Variants in USP15 observed in about 807,000 individuals in gnomAD.
USP15 encodes ubiquitin carboxyl-terminal hydrolase 15.
In USP15, 18 loss-of-function variants were observed where a neutral mutation model predicts 127.1. That is an observed-to-expected ratio of 0.14 (90% CI 0.10 to 0.21). USP15 has a LOEUF of 0.21. Among genes scored for constraint, USP15 ranks in the 10% least tolerant of loss-of-function variants. The pLI, the probability that USP15 is intolerant of heterozygous loss-of-function variation, is 1.00. For missense variants in USP15, 805 were observed against 1,159.9 expected (o/e 0.69, Z 4.44); for synonymous variants, 364 against 393.7 (o/e 0.92, Z 0.89).
At chr12:62,295,146 T>C (rs1592521426) in intron 2 of USP15, among the ~76,000 whole-genome samples, 1 of 151,796 alleles carries the variant, frequency 6.6e-6, no homozygotes, top group South Asian at 2.1e-4. Context: ...CCCCCCCCCA[T>C]AGGGTTGCTC....
At chr12:62,298,925 C>A (rs971907492) in intron 2 of USP15, among the ~76,000 whole-genome samples, 7 of 151,384 alleles carry the variant, frequency 4.6e-5, no homozygotes, top group African/African-American at 1.5e-4. Flanking sequence ...TCACGAAGCC[C>A]AAAGAGTTGA....
intron 1 of USP15, among the ~76,000 whole-genome samples, chr12:62,293,085 C>A (rs981491073): frequency 6.6e-6 from 1 of 152,122 alleles, no homozygotes; most frequent in Non-Finnish European, 1.5e-5. Context: ...TGGTGTAACA[C>A]CCTCAAGAAA....
chr12:62,313,034 T>C (rs2064728406), intron 3 of USP15, among the ~76,000 whole-genome samples: 1 of 151,636 alleles, frequency 6.6e-6, no homozygotes, highest in South Asian at 2.1e-4. Context: ...AACAACACCT[T>C]GTTAATACAC....
At chr12:62,305,796 C>T (rs2064467895) in intron 3 of USP15, 1 of 152,238 alleles carries the variant, frequency 6.6e-6, no homozygotes, top group African/African-American at 2.4e-5. Flanking sequence ...CACTCTTCTT[C>T]CATGTTGTAC....
intron 5 of USP15, among the ~76,000 whole-genome samples, 179 bp downstream of exon 5, chr12:62,321,788 G>T (rs796804517): frequency 9.2e-5 from 14 of 152,100 alleles, no homozygotes; most frequent in African/African-American, 3.4e-4. Context: ...CCTTGAGCTT[G>T]GGAATAATCT....
At chr12:62,353,325 C>T (rs2066017913) in intron 7 of USP15, among the ~76,000 whole-genome samples, 1 of 152,048 alleles carries the variant, frequency 6.6e-6, no homozygotes. Context: ...CAGTAAATAG[C>T]AATTTCTATC....
chr12:62,333,807 A>G (rs1051863698), intron 6 of USP15, among the ~76,000 whole-genome samples: 6 of 152,140 alleles, frequency 3.9e-5, no homozygotes, highest in African/African-American at 1.4e-4. Flanking sequence ...ATTCCTATAA[A>G]TGGGAATATA....
chr12:62,389,731 C>A (rs762881768), intron 13 of USP15, 32 bp downstream of exon 13: 1 of 1,596,714 alleles, frequency 6.3e-7, no homozygotes, highest in South Asian at 1.1e-5. Flanking sequence ...CAAAATATTA[C>A]TTGAAAAAAA....
intron 4 of USP15, among the ~76,000 whole-genome samples, chr12:62,316,221 G>A (rs1431642450): frequency 6.7e-6 from 1 of 150,342 alleles, no homozygotes; most frequent in East Asian, 2.0e-4. Context: ...GGAGGTGGAG[G>A]TTGCAGTGGG....
chr12:62,383,975 G>A lies in USP15; in HGVS notation c.1225G>A (p.Asp409Asn). 1.2e-6 allele frequency: 2 copies of A among 1,612,266 alleles called. No homozygotes were observed. The highest frequency in any genetic ancestry group is 1.7e-6 in the Non-Finnish European group (2 of 1,178,948). Residue 409 changes from aspartate (D) to asparagine (N), a missense_variant, in exon 10 of 22, where the codon GAT becomes AAT. Physicochemically the swap from Asp to Asn is conservative, Grantham distance 23. Around this residue, in one of 11 missense-constraint regions of USP15, gnomAD observed 84 missense variants for 210.3 expected, o/e 0.40. Coordinates refer to ENST00000280377, the MANE Select transcript of USP15 (RefSeq NM_001252078.2). The part of the protein sequence containing the change: ...IRKKPYIQLK[D>N]ADGRPDKVVA... ...GAAAAAACCATATATACAATTAAAA[G>A]ATGCAGATGGAAGGCCAGATAAGGT...
intron 20 of USP15, among the ~76,000 whole-genome samples, chr12:62,400,687 T>C (rs1414724865): frequency 6.6e-6 from 1 of 151,114 alleles, no homozygotes; most frequent in Non-Finnish European, 1.5e-5. Flanking sequence ...AATTTAATAA[T>C]AAGTTGAAAT....
intron 6 of USP15, among the ~76,000 whole-genome samples, chr12:62,330,586 A>C (rs1718143402): frequency 2.5e-5 from 2 of 80,224 alleles, no homozygotes; most frequent in Non-Finnish European, 4.8e-5. Context: ...ACTCCATCTC[A>C]AAAAAAAAAA....
chr12:62,401,379 G>T, intron 21 of USP15, 104 bp downstream of exon 21: 1 of 807,664 alleles, frequency 1.2e-6, no homozygotes, highest in Admixed American at 3.3e-5. Context: ...CTATATTCTA[G>T]CAGCTTGAGT....
chr12:62,361,960 T>C (rs1372243803), intron 8 of USP15, among the ~76,000 whole-genome samples: 1 of 152,074 alleles, frequency 6.6e-6, no homozygotes, highest in Non-Finnish European at 1.5e-5. Flanking sequence ...TTAACAGCCC[T>C]GTATTGAACC....
At chr12:62,293,849 A>G (rs1041455740) in intron 1 of USP15, among the ~76,000 whole-genome samples, 2 of 152,084 alleles carry the variant, frequency 1.3e-5, no homozygotes, top group South Asian at 2.1e-4. Flanking sequence ...CATTTTTTCT[A>G]TTTACCATAT....
At chr12:62,392,837 A>G (rs1038633475) in intron 18 of USP15, among the ~76,000 whole-genome samples, 1 of 152,142 alleles carries the variant, frequency 6.6e-6, no homozygotes, top group Non-Finnish European at 1.5e-5. Context: ...GTCTTTAAGT[A>G]TTTATTTGTA....
At chr12:62,309,035 T>C (rs1352917149) in intron 3 of USP15, among the ~76,000 whole-genome samples, 1 of 152,102 alleles carries the variant, frequency 6.6e-6, no homozygotes, top group Non-Finnish European at 1.5e-5. Flanking sequence ...AAATCTATTG[T>C]CTCAACAAGT....
intron 8 of USP15, among the ~76,000 whole-genome samples, chr12:62,371,155 C>T (rs1223606411): frequency 6.6e-6 from 1 of 152,080 alleles, no homozygotes; most frequent in Admixed American, 6.6e-5. Context: ...AAACCTGTGC[C>T]CCATCACCTA....
At chr12:62,403,307 G>A (rs958030827) in intron 21 of USP15, among the ~76,000 whole-genome samples, 3 of 152,050 alleles carry the variant, frequency 2.0e-5, no homozygotes, top group African/African-American at 7.2e-5. Context: ...ATGTTTAAAG[G>A]TCAGGATTTA....
Sources: allele counts gnomAD v4.1 joint callset (sites outside exome capture counted in the v4.1 genomes callset), GRCh38; gene constraint gnomAD v4.1.1; regional missense constraint gnomAD v4.1.1; transcripts MANE v1.5; gene names NCBI Gene and HGNC (gene_info 2026-07-23, HGNC 2026-07-21).